B3GALT1: variants seen among roughly 807,000 people sequenced by gnomAD.
B3GALT1 encodes the protein beta-1,3-galactosyltransferase 1, also known as UDP-Gal:betaGlcNAc beta 1,3-galactosyltransferase, polypeptide 1.
Under a neutral mutation model 23.2 loss-of-function variants are expected in B3GALT1, and 10 were observed. The ratio of observed to expected loss-of-function variants is 0.43; its 90% CI spans 0.27 to 0.73. The LOEUF (loss-of-function observed/expected upper bound fraction) is 0.73. Ranked by LOEUF, B3GALT1 falls within the 30% of genes least tolerant of loss-of-function variation. The pLI is 0.21. For synonymous variants in B3GALT1, 156 were observed against 141.5 expected (o/e 1.10, Z -0.73); for missense variants, 299 against 405.4 (o/e 0.74, Z 2.25).
intron 2 of B3GALT1, among the ~76,000 whole-genome samples, chr2:167,586,806 A>G (rs1229277295): frequency 6.6e-6 from 1 of 152,144 alleles, no homozygotes; most frequent in Admixed American, 6.5e-5. Context: ...TTAATATGTA[A>G]TTTTTTTGAG....
intron 3 of B3GALT1, among the ~76,000 whole-genome samples, chr2:167,750,273 C>G (rs186607264): frequency 6.6e-6 from 1 of 152,114 alleles, no homozygotes; most frequent in African/African-American, 2.4e-5. Flanking sequence ...ATTGTATTTC[C>G]AATCCAATAA....
intron 3 of B3GALT1, among the ~76,000 whole-genome samples, chr2:167,653,537 G>A (rs890497728): frequency 6.6e-6 from 1 of 152,100 alleles, no homozygotes; most frequent in Non-Finnish European, 1.5e-5. Context: ...ATATCTCTCT[G>A]GAATCACAGA....
chr2:167,715,520 G>A (rs974482198), intron 3 of B3GALT1: 10 of 1,612,796 alleles, frequency 6.2e-6, no homozygotes, highest in East Asian at 2.2e-5. Context: ...TGATTTGAGG[G>A]ATTTTGACTC....
intron 2 of B3GALT1, among the ~76,000 whole-genome samples, chr2:167,564,123 G>A (rs538775414): frequency 6.6e-5 from 10 of 150,520 alleles, no homozygotes; most frequent in African/African-American, 2.2e-4. Flanking sequence ...GCTGCCTGGC[G>A]GAGGGGCTCC....
At position 167,559,187 on chromosome 2, in the gene B3GALT1, C is replaced by T. The variant is rs557914153; in HGVS notation, c.-410+68910C>T. Among the ~76,000 whole-genome samples, 150 of 152,156 alleles carry T rather than the reference C, an allele frequency of 9.9e-4. 2 individuals are homozygous for T. Among genetic ancestry groups the T allele is most frequent in the Non-Finnish European group, 8.1e-4 (55 of 68,030 alleles). On this transcript the variant is annotated intron_variant, in intron 2 of 4. Transcript: ENST00000392690. The stretch of plus-strand genomic sequence containing the variant: ...TGTTCTGCAGACACCGCTGCTGATA[C>T]CCAGGCAAACATGGTCTGGAGTGGA...
At chr2:167,545,813 G>A (rs188986516) in intron 2 of B3GALT1, among the ~76,000 whole-genome samples, 1 of 152,274 alleles carries the variant, frequency 6.6e-6, no homozygotes, top group East Asian at 1.9e-4. Flanking sequence ...TACAGGTTGA[G>A]TAACCCTTAT....
intron 1 of B3GALT1, among the ~76,000 whole-genome samples, chr2:167,328,906 A>G (rs182716872): frequency 9.7e-4 from 148 of 152,062 alleles, no homozygotes; most frequent in African/African-American, 3.3e-3. Context: ...TCCGCCTCCT[A>G]GATTCAAACA....
intron 2 of B3GALT1, among the ~76,000 whole-genome samples, chr2:167,499,465 T>G (rs773891877): frequency 1.9e-4 from 29 of 152,102 alleles, no homozygotes; most frequent in Non-Finnish European, 3.5e-4. Context: ...GATTTAGCAG[T>G]AAAACGAAAT....
chr2:167,409,269 T>C (rs1166145790), intron 1 of B3GALT1, among the ~76,000 whole-genome samples: 1 of 152,206 alleles, frequency 6.6e-6, no homozygotes, highest in East Asian at 1.9e-4. Flanking sequence ...TGGTGTTCTC[T>C]ATATTTCCTG....
intron 1 of B3GALT1, among the ~76,000 whole-genome samples, chr2:167,441,929 G>A (rs1466287346): frequency 1.3e-5 from 2 of 151,174 alleles, no homozygotes; most frequent in Non-Finnish European, 1.5e-5. Context: ...TGCACATTGT[G>A]CAGGTTAGTT....
intron 4 of B3GALT1, among the ~76,000 whole-genome samples, chr2:167,867,130 T>G (rs2615319): frequency 0.016 from 2,438 of 152,184 alleles, 37 homozygotes; most frequent in African/African-American, 0.032. Context: ...GTTTCACCGT[T>G]TTAGCCAGGA....
intron 2 of B3GALT1, among the ~76,000 whole-genome samples, chr2:167,544,335 C>T (rs1249848308): frequency 1.3e-5 from 2 of 152,114 alleles, no homozygotes; most frequent in Non-Finnish European, 2.9e-5. Context: ...CAATCTGTTG[C>T]CCAGGCCGGA....
intron 3 of B3GALT1, among the ~76,000 whole-genome samples, chr2:167,761,120 A>G (rs570402250): frequency 1.3e-5 from 2 of 152,342 alleles, no homozygotes; most frequent in African/African-American, 2.4e-5. Flanking sequence ...GTAATAGAAA[A>G]TACTTTACCA....
chr2:167,819,887 T>TTGA (rs1689071079), intron 4 of B3GALT1, among the ~76,000 whole-genome samples: 1 of 152,194 alleles, frequency 6.6e-6, no homozygotes, highest in African/African-American at 2.4e-5. Context: ...AAGGTTTCAG[T>TTGA]TGATAGTTTT....
At chr2:167,836,183 C>T (rs9751368) in intron 4 of B3GALT1, among the ~76,000 whole-genome samples, 4,654 of 152,202 alleles carry the variant, frequency 0.031, 239 homozygotes, top group African/African-American at 0.11. Flanking sequence ...GGACGGAGAA[C>T]GACTTTGACA....
At chr2:167,460,148 G>T (rs1699234991) in intron 1 of B3GALT1, among the ~76,000 whole-genome samples, 2 of 152,070 alleles carry the variant, frequency 1.3e-5, no homozygotes, top group Non-Finnish European at 2.9e-5. Context: ...TTATATTCAT[G>T]TTTTTTATCA....
intron 2 of B3GALT1, among the ~76,000 whole-genome samples, chr2:167,570,536 A>T (rs1684273376): frequency 6.6e-6 from 1 of 151,952 alleles, no homozygotes; most frequent in Non-Finnish European, 1.5e-5. Flanking sequence ...TGTAGTGGGT[A>T]ATGAAAAAAG....
At chr2:167,619,996 G>A (rs1008094147) in intron 2 of B3GALT1, among the ~76,000 whole-genome samples, 1 of 152,182 alleles carries the variant, frequency 6.6e-6, no homozygotes, top group South Asian at 2.1e-4. Context: ...AGCTCAAAGA[G>A]GATCTTATGA....
intron 1 of B3GALT1, among the ~76,000 whole-genome samples, chr2:167,485,695 T>C (rs552301585): frequency 6.6e-6 from 1 of 152,332 alleles, no homozygotes; most frequent in South Asian, 2.1e-4. Context: ...ATATATGCTT[T>C]TGAATTAATC....
Sources: gnomAD v4.1 joint callset for allele counts (sites outside exome capture counted in the v4.1 genomes callset) on GRCh38, gnomAD v4.1.1 for gene constraint, MANE v1.5 for transcripts, NCBI Gene and HGNC (gene_info 2026-07-23, HGNC 2026-07-21) for gene names.